RNF125: variants seen among roughly 807,000 people sequenced by gnomAD.
RNF125 encodes ring finger protein 125.
In RNF125, 21 loss-of-function variants were observed where a neutral mutation model predicts 26.0. The ratio of observed to expected loss-of-function variants is 0.81; its 90% CI spans 0.57 to 1.16. The LOEUF is 1.16. Ranked by LOEUF, RNF125 falls within the 50% of genes most tolerant of loss-of-function variation. RNF125 has a pLI of 0.00. For missense variants in RNF125, 270 were observed against 299.4 expected (o/e 0.90, Z 0.72); for synonymous variants, 95 against 109.2 (o/e 0.87, Z 0.81).
chr18:32,050,913 T>TTCA (rs2144493096), intron 4 of RNF125, among the ~76,000 whole-genome samples: 1 of 122,146 alleles, frequency 8.2e-6, no homozygotes, highest in South Asian at 3.1e-4. Flanking sequence ...GAGACGGTGT[T>TTCA]TCATCATCAT....
intron 2 of RNF125, among the ~76,000 whole-genome samples, chr18:32,041,506 C>A (rs921712742): frequency 1.5e-4 from 23 of 150,872 alleles, no homozygotes; most frequent in African/African-American, 5.6e-4. Context: ...TGCTCTTTTT[C>A]TTCACCCATT....
chr18:32,050,895 T>G (rs1214689865), intron 4 of RNF125, among the ~76,000 whole-genome samples: 1 of 116,080 alleles, frequency 8.6e-6, no homozygotes, highest in Non-Finnish European at 1.7e-5. Flanking sequence ...TTTTTTTTTT[T>G]TTTTGAAGAG....
At chr18:32,032,786 G>A (rs371109727) in intron 1 of RNF125, among the ~76,000 whole-genome samples, 2 of 152,146 alleles carry the variant, frequency 1.3e-5, no homozygotes, top group African/African-American at 4.8e-5. Context: ...TGGAACCTGG[G>A]AGGCAGAAGT....
Position 32,066,097 on chromosome 18 carries a change from GA to G in RNF125, c.612+94del, listed in dbSNP as rs560636349. The G allele has an allele frequency of 8.2e-5, 65 of 788,986 alleles. No individual in the cohort carries two copies. In the East Asian group the frequency reaches 9.4e-4, roughly 11 times the overall value. 48.9% of individuals were successfully genotyped at this position (788,986 alleles called of 1,614,324 possible). On this transcript the variant is annotated intron_variant, in intron 5 of 5. Coordinates refer to ENST00000217740, the MANE Select transcript of RNF125 (RefSeq NM_017831.4). ...GATCCAAGTGAATAAAATTATAGAG[GA>G]AAAAATGTGTATATAGCTATAGTGT...
At chr18:32,032,072 G>A (rs1047885727) in intron 1 of RNF125, among the ~76,000 whole-genome samples, 1 of 151,438 alleles carries the variant, frequency 6.6e-6, no homozygotes, top group Non-Finnish European at 1.5e-5. Flanking sequence ...GCTAATTTTT[G>A]TATTTTTGTT....
At chr18:32,059,240 C>T (rs146492559) in intron 4 of RNF125, among the ~76,000 whole-genome samples, 127 of 152,196 alleles carry the variant, frequency 8.3e-4, no homozygotes, top group Middle Eastern at 3.4e-3. Context: ...TCCCACCACC[C>T]GTGTATGAAG....
chr18:32,023,587 T>C (rs1451833624), intron 1 of RNF125, among the ~76,000 whole-genome samples: 3 of 152,202 alleles, frequency 2.0e-5, no homozygotes, highest in Non-Finnish European at 4.4e-5. Context: ...AACAGTTTGA[T>C]CATGTATCTA....
intron 3 of RNF125, among the ~76,000 whole-genome samples, chr18:32,044,351 G>A (rs1457752957): frequency 1.3e-5 from 2 of 152,006 alleles, no homozygotes; most frequent in Admixed American, 6.6e-5. Flanking sequence ...TTCTAGTAGC[G>A]ACATTTAAAC....
Position 32,030,104 on chromosome 18 carries a change from A to T in RNF125, c.165-7012A>T, listed in dbSNP as rs1174272920. Among the ~76,000 whole-genome samples the T allele has an allele frequency of 3.9e-5, 6 of 152,220 alleles. No individual in the cohort carries two copies. In the East Asian group the frequency reaches 1.2e-3, roughly 29 times the overall value. On this transcript the variant is annotated intron_variant, in intron 1 of 5. Coordinates refer to ENST00000217740, the MANE Select transcript of RNF125 (RefSeq NM_017831.4). Reference sequence around the variant, plus strand: ...CTGTCACCCAGGCTGGAGTGCAGTGATGCGATCTTGGCTCACTGCAACCTC... The same window carrying T: ...CTGTCACCCAGGCTGGAGTGCAGTGTTGCGATCTTGGCTCACTGCAACCTC...
At chr18:32,041,528 C>A (rs989947190) in intron 2 of RNF125, among the ~76,000 whole-genome samples, 5 of 150,760 alleles carry the variant, frequency 3.3e-5, no homozygotes, top group South Asian at 2.1e-4. Flanking sequence ...TTTTCCCTTG[C>A]TTCCTTCTTT....
downstream of RNF125, among the ~76,000 whole-genome samples, chr18:32,075,240 A>G (rs2039562182): frequency 6.6e-6 from 1 of 151,924 alleles, no homozygotes; most frequent in African/African-American, 2.4e-5. Context: ...ATCTAACTGG[A>G]CTCTGTGCCC....
intron 4 of RNF125, among the ~76,000 whole-genome samples, chr18:32,051,432 C>T (rs1283876218): frequency 6.6e-6 from 1 of 151,892 alleles, no homozygotes; most frequent in East Asian, 2.0e-4. Flanking sequence ...GCCTGGCCAA[C>T]ATGGCAAAAC....
rs60264747 is a variant in RNF125 at position 32,041,620 on chromosome 18, C to CTTTTTTTTTT, written c.319-540_319-531dup. ...CTATCTACTTTAAAAAATGTAGATG[C>CTTTTTTTTTT]TTTTTTTTTTTTTTTTTTTTTTTTT... On this transcript the variant is annotated intron_variant, in intron 2 of 5. Transcript: ENST00000217740. Among the ~76,000 whole-genome samples the CTTTTTTTTTT allele has an allele frequency of 2.1e-5, 2 of 93,280 alleles. 1 individual carries two copies. Among genetic ancestry groups the CTTTTTTTTTT allele is most frequent in the Non-Finnish European group, 4.2e-5 (2 of 47,586 alleles). 61.2% of individuals were successfully genotyped at this position (93,280 alleles called of 152,430 possible).
Position 32,068,306 on chromosome 18 carries a change from T to C in RNF125, c.621T>C (p.Asn207=). The C allele has an allele frequency of 6.5e-7, 1 of 1,536,418 alleles. No individual in the cohort carries two copies. Among genetic ancestry groups the C allele is most frequent in the Non-Finnish European group, 9.0e-7 (1 of 1,110,980 alleles). The change falls in exon 6 of 6, where the codon AAT becomes AAC. Residue 207 remains asparagine (N), a synonymous_variant. Coordinates refer to ENST00000217740, the MANE Select transcript of RNF125 (RefSeq NM_017831.4). ...TLFYDDFIDF[N]IIEEALIRRV... Reference sequence around the variant, plus strand: ...ATTTTTCTTTATTGTAGGATTTTAATATAATTGAGGAAGCTCTTATCCGAA... The same window carrying C: ...ATTTTTCTTTATTGTAGGATTTTAACATAATTGAGGAAGCTCTTATCCGAA...
At chr18:32,041,012 G>C (rs1243604145) in intron 2 of RNF125, among the ~76,000 whole-genome samples, 1 of 152,256 alleles carries the variant, frequency 6.6e-6, no homozygotes, top group South Asian at 2.1e-4. Flanking sequence ...AATTATAACT[G>C]TTTCCTTGAC....
chr18:32,048,148 A>G (rs2039289784), intron 4 of RNF125, among the ~76,000 whole-genome samples: 1 of 151,688 alleles, frequency 6.6e-6, no homozygotes, highest in Non-Finnish European at 1.5e-5. Flanking sequence ...GCAGTGGCTC[A>G]TGCCTATAAT....
At chr18:32,050,865 CTTTTTTTTT>C (rs531751585) in intron 4 of RNF125, among the ~76,000 whole-genome samples, 48 of 46,308 alleles carry the variant, frequency 1.0e-3, no homozygotes, top group South Asian at 2.2e-3. Flanking sequence ...GTCTAGAGTG[CTTTTTTTTT>C]TTTTTTTTTT....
intron 3 of RNF125, among the ~76,000 whole-genome samples, chr18:32,043,971 T>G (rs2144480750): frequency 6.6e-6 from 1 of 152,138 alleles, no homozygotes; most frequent in Middle Eastern, 3.4e-3. Context: ...AAGGCAGTGT[T>G]GTCCAGTAGA....
downstream of RNF125, chr18:32,076,133 A>G (rs2039568866): frequency 3.4e-6 from 2 of 592,800 alleles, no homozygotes; most frequent in Non-Finnish European, 3.1e-6. Flanking sequence ...AGACTCGCCA[A>G]TGTAACCATG....
Sources: allele counts gnomAD v4.1 joint callset (sites outside exome capture counted in the v4.1 genomes callset), GRCh38; gene constraint gnomAD v4.1.1; transcripts MANE v1.5; gene names NCBI Gene and HGNC (gene_info 2026-07-23, HGNC 2026-07-21).